Variants in EFNA5 observed in about 807,000 individuals in gnomAD.
EFNA5 encodes ephrin A5, also known as ephrin-A5.
Under a neutral mutation model 22.9 loss-of-function variants are expected in EFNA5, and 5 were observed. The ratio of observed to expected loss-of-function variants is 0.22; its 90% CI spans 0.11 to 0.46. EFNA5 has a LOEUF of 0.46. Ranked by LOEUF, EFNA5 falls within the 20% of genes least tolerant of loss-of-function variation. EFNA5 has a pLI of 0.99. For missense variants in EFNA5, 237 were observed against 293.3 expected, an observed-to-expected ratio of 0.81 and a Z score of 1.40; for synonymous variants, 113 against 112.2, an observed-to-expected ratio of 1.01 and a Z score of -0.04.
intron 4 of EFNA5, among the ~76,000 whole-genome samples, chr5:107,384,351 G>A (rs1747552506): frequency 6.6e-6 from 1 of 152,204 alleles, no homozygotes; most frequent in Non-Finnish European, 1.5e-5. Context: ...TTTGGAGCAT[G>A]TTATGTGGCA....
At chr5:107,473,787 A>G (rs1750209255) in intron 1 of EFNA5, among the ~76,000 whole-genome samples, 2 of 151,578 alleles carry the variant, frequency 1.3e-5, no homozygotes, top group Non-Finnish European at 2.9e-5. Context: ...CAGCCTTCTG[A>G]ATAGCTGGGA....
intron 2 of EFNA5, among the ~76,000 whole-genome samples, chr5:107,419,268 T>C (rs577573465): frequency 1.8e-3 from 280 of 152,344 alleles, no homozygotes; most frequent in Middle Eastern, 0.01. Context: ...TTAAGAGCCC[T>C]TGAAATTCAT....
At chr5:107,516,341 T>C (rs1190975031) in intron 1 of EFNA5, among the ~76,000 whole-genome samples, 2 of 151,802 alleles carry the variant, frequency 1.3e-5, no homozygotes, top group African/African-American at 2.4e-5. Context: ...CCTGGTTGAG[T>C]TTTATTTTTT....
At chr5:107,642,180 G>A (rs546987720) in intron 1 of EFNA5, among the ~76,000 whole-genome samples, 2 of 152,132 alleles carry the variant, frequency 1.3e-5, no homozygotes, top group African/African-American at 2.4e-5. Flanking sequence ...AAAGGCCAAG[G>A]AGGGGACTGT....
chr5:107,528,191 T>C (rs1747736811), intron 1 of EFNA5, among the ~76,000 whole-genome samples: 1 of 152,158 alleles, frequency 6.6e-6, no homozygotes, highest in African/African-American at 2.4e-5. Flanking sequence ...CAGGCTGCTG[T>C]GACAACTGAC....
intron 1 of EFNA5, among the ~76,000 whole-genome samples, chr5:107,486,776 C>G (rs1746633931): frequency 6.6e-6 from 1 of 152,178 alleles, no homozygotes; most frequent in Non-Finnish European, 1.5e-5. Context: ...CTCTGTCAAA[C>G]CCCTGAGATC....
chr5:107,508,007 T>A (rs1052118514), intron 1 of EFNA5, among the ~76,000 whole-genome samples: 1 of 150,610 alleles, frequency 6.6e-6, no homozygotes, highest in Admixed American at 6.6e-5. Flanking sequence ...AATCTGAAGA[T>A]TTTTTTTGAA....
At position 107,379,504 on chromosome 5, in the gene EFNA5, T is replaced by C. The variant is rs537366607; in HGVS notation, c.*1751A>G. 1 of 147,740 alleles carries C rather than the reference T, an allele frequency of 6.8e-6. No individual in the cohort carries two copies. The highest frequency in any genetic ancestry group is 2.1e-4 in the South Asian group (1 of 4,728). 9.2% of individuals were successfully genotyped at this position (147,740 alleles called of 1,614,324 possible). On this transcript the variant is annotated 3_prime_UTR_variant, in exon 5 of 5. Transcript: ENST00000333274. Reference sequence around the variant, plus strand: ...TTTACATGATCATCACATTTATTTCTTATATTGAAAGGCATGGTTTCTGTT... The same window carrying C: ...TTTACATGATCATCACATTTATTTCCTATATTGAAAGGCATGGTTTCTGTT...
intron 1 of EFNA5, among the ~76,000 whole-genome samples, chr5:107,566,808 T>C (rs979937076): frequency 1.3e-5 from 2 of 152,252 alleles, no homozygotes; most frequent in African/African-American, 4.8e-5. Flanking sequence ...AGTGTGAAAG[T>C]ACTAAAGAAC....
At chr5:107,469,711 C>G (rs1750088218) in intron 1 of EFNA5, among the ~76,000 whole-genome samples, 1 of 151,952 alleles carries the variant, frequency 6.6e-6, no homozygotes, top group African/African-American at 2.4e-5. Flanking sequence ...ACAAGAATCC[C>G]TGTTACTTTC....
At chr5:107,446,805 T>C (rs985653714) in intron 1 of EFNA5, among the ~76,000 whole-genome samples, 10 of 152,016 alleles carry the variant, frequency 6.6e-5, no homozygotes, top group African/African-American at 2.4e-4. Context: ...AAGAAGACAC[T>C]GACTTTCTCA....
intron 1 of EFNA5, among the ~76,000 whole-genome samples, chr5:107,443,725 G>A (rs987685901): frequency 2.6e-5 from 4 of 152,120 alleles, no homozygotes; most frequent in African/African-American, 9.7e-5. Flanking sequence ...TGGGTGAAAA[G>A]GGGAGGGAGA....
chr5:107,599,253 T>C (rs1749537537), intron 1 of EFNA5, among the ~76,000 whole-genome samples: 1 of 152,122 alleles, frequency 6.6e-6, no homozygotes, highest in African/African-American at 2.4e-5. Flanking sequence ...CTATAGCACA[T>C]CTATACAATA....
intron 1 of EFNA5, among the ~76,000 whole-genome samples, chr5:107,656,289 T>C (rs1284234802): frequency 6.6e-6 from 1 of 152,130 alleles, no homozygotes; most frequent in African/African-American, 2.4e-5. Flanking sequence ...CAAAATCCCT[T>C]TCCCGGGAAG....
chr5:107,661,152 A>T (rs1286039798), intron 1 of EFNA5, among the ~76,000 whole-genome samples: 1 of 152,008 alleles, frequency 6.6e-6, no homozygotes, highest in East Asian at 1.9e-4. Flanking sequence ...AAGAAAAAAA[A>T]AGTATTAGCT....
intron 1 of EFNA5, among the ~76,000 whole-genome samples, chr5:107,438,499 G>C (rs1749175043): frequency 6.6e-6 from 1 of 152,140 alleles, no homozygotes; most frequent in Non-Finnish European, 1.5e-5. Flanking sequence ...TTGGTTTTGG[G>C]GCTCCCTCCT....
intron 1 of EFNA5, among the ~76,000 whole-genome samples, chr5:107,560,432 G>C (rs1242926996): frequency 2.0e-5 from 3 of 152,168 alleles, no homozygotes; most frequent in Non-Finnish European, 2.9e-5. Flanking sequence ...ACCATAAAGA[G>C]CAGGTGAATT....
chr5:107,566,631 T>C (rs370690932), intron 1 of EFNA5, among the ~76,000 whole-genome samples: 1 of 152,178 alleles, frequency 6.6e-6, no homozygotes, highest in Non-Finnish European at 1.5e-5. Flanking sequence ...GCACCCAAAA[T>C]TACTGCAGCT....
intron 1 of EFNA5, among the ~76,000 whole-genome samples, chr5:107,496,336 C>CAAAAAAAAAAAAAAAA (rs77916124): frequency 5.0e-5 from 4 of 79,830 alleles, no homozygotes; most frequent in East Asian, 4.5e-4. Context: ...AATTCCATCT[C>CAAAAAAAAAAAAAAAA]AAAAAAAAAA....
Sources: gnomAD v4.1 joint callset for allele counts (sites outside exome capture counted in the v4.1 genomes callset) on GRCh38, gnomAD v4.1.1 for gene constraint, MANE v1.5 for transcripts, NCBI Gene and HGNC (gene_info 2026-07-23, HGNC 2026-07-21) for gene names.